The following ROBO2 variants were observed in gnomAD, a reference collection of about 807,000 sequenced individuals.
ROBO2 encodes roundabout guidance receptor 2, also known as roundabout homolog 2.
In ROBO2, 53 loss-of-function variants were observed where a neutral mutation model predicts 160.8. The observed-to-expected ratio is 0.33, with a 90% confidence interval of 0.26 to 0.41. The LOEUF is 0.41. ROBO2 is among the 10% of genes least tolerant of loss of function. The pLI, the probability that ROBO2 is intolerant of heterozygous loss-of-function variation, is 1.00. For synonymous variants in ROBO2, 664 were observed against 611.7 expected, an observed-to-expected ratio of 1.09 and a Z score of -1.26; for missense variants, 1,577 against 1,722.4, an observed-to-expected ratio of 0.92 and a Z score of 1.49.
intron 2 of ROBO2, among the ~76,000 whole-genome samples, chr3:76,084,947 C>G (rs556231343): frequency 9.1e-4 from 138 of 152,052 alleles, no homozygotes; most frequent in South Asian, 2.9e-3. Flanking sequence ...TGAATTAGTA[C>G]CCAACTACAT....
At position 77,068,690 on chromosome 3, in the gene ROBO2, G is replaced by A. The variant is rs148806251; in HGVS notation, c.61+27844G>A. 2.8e-3 allele frequency among the ~76,000 whole-genome samples: 428 copies of A among 152,152 alleles called. 3 individuals carry two copies. The highest frequency in any genetic ancestry group is 9.8e-3 in the African/African-American group (405 of 41,528). The stretch of plus-strand genomic sequence containing the variant: ...AAAGAGCATGAGGGAGGGCAGAATT[G>A]GAAGTAGAATACGTGAATAAAGTAA... On this transcript the variant is annotated intron_variant, in intron 1 of 25. Transcript: ENST00000461745.
chr3:77,281,308 C>CTTCT (rs1553884896), intron 2 of ROBO2, among the ~76,000 whole-genome samples: 47 of 149,550 alleles, frequency 3.1e-4, no homozygotes, highest in African/African-American at 1.0e-3. Flanking sequence ...ATTTTCAATC[C>CTTCT]TTCTTTCGTT....
chr3:77,289,372 G>C (rs1468837372), intron 2 of ROBO2, among the ~76,000 whole-genome samples: 4 of 151,818 alleles, frequency 2.6e-5, no homozygotes, highest in Admixed American at 1.3e-4. Context: ...GCTGAGACTA[G>C]ATCACCCCAG....
intron 5 of ROBO2, among the ~76,000 whole-genome samples, chr3:77,519,524 A>G (rs2090372457): frequency 6.6e-6 from 1 of 151,242 alleles, no homozygotes; most frequent in Admixed American, 6.6e-5. Context: ...TCTTTCCTCT[A>G]GTAGTCCACA....
intron 21 of ROBO2, among the ~76,000 whole-genome samples, chr3:77,612,225 C>G (rs1411769606): frequency 6.6e-6 from 1 of 152,084 alleles, no homozygotes; most frequent in Non-Finnish European, 1.5e-5. Context: ...AATGTTACTA[C>G]AAGAAAAAGT....
intron 2 of ROBO2, among the ~76,000 whole-genome samples, chr3:76,924,268 A>G (rs888714337): frequency 3.3e-5 from 5 of 152,118 alleles, no homozygotes; most frequent in African/African-American, 1.2e-4. Flanking sequence ...CTGCGATGGT[A>G]TTGGGAGGCT....
At chr3:76,791,045 C>T (rs2063320973) in intron 2 of ROBO2, among the ~76,000 whole-genome samples, 1 of 151,766 alleles carries the variant, frequency 6.6e-6, no homozygotes, top group African/African-American at 2.4e-5. Context: ...CTGTTGCCAT[C>T]ATCATAGTCT....
chr3:76,967,783 G>C (rs1336054389), intron 2 of ROBO2, among the ~76,000 whole-genome samples: 1 of 152,040 alleles, frequency 6.6e-6, no homozygotes, highest in Non-Finnish European at 1.5e-5. Flanking sequence ...GGCCTCAAGT[G>C]ATTCGCCTGC....
At chr3:76,396,602 G>T (rs1010236758) in intron 2 of ROBO2, among the ~76,000 whole-genome samples, 4 of 152,102 alleles carry the variant, frequency 2.6e-5, no homozygotes, top group South Asian at 2.1e-4. Flanking sequence ...ATCTCCTTAA[G>T]CTGATAAGCA....
chr3:77,607,602 T>G (rs969644758), intron 20 of ROBO2, among the ~76,000 whole-genome samples, 196 bp from the exon 22 acceptor site: 1 of 151,974 alleles, frequency 6.6e-6, no homozygotes, highest in African/African-American at 2.4e-5. Context: ...GTTAATGCAC[T>G]GGGGAAAAAA....
intron 2 of ROBO2, among the ~76,000 whole-genome samples, chr3:77,353,327 C>G (rs1174909514): frequency 6.6e-6 from 1 of 152,148 alleles, no homozygotes; most frequent in Non-Finnish European, 1.5e-5. Flanking sequence ...TGAATTATAT[C>G]ACCGTTCCTT....
intron 6 of ROBO2, among the ~76,000 whole-genome samples, chr3:77,529,673 A>G (rs1043814477): frequency 6.6e-6 from 1 of 151,880 alleles, no homozygotes; most frequent in African/African-American, 2.4e-5. Flanking sequence ...AGTTATTTCC[A>G]TTTTTTATTC....
At chr3:77,574,084 A>C (rs1279064371) in intron 13 of ROBO2, among the ~76,000 whole-genome samples, 2 of 152,018 alleles carry the variant, frequency 1.3e-5, no homozygotes, top group African/African-American at 4.8e-5. Context: ...GAGAATGGAA[A>C]TCCCTGACAA....
At chr3:77,493,100 G>T (rs545590505) in intron 4 of ROBO2, 144 bp from the exon 5 acceptor site, 7 of 749,504 alleles carry the variant, frequency 9.3e-6, no homozygotes, top group Middle Eastern at 3.0e-4. Context: ...GATTCACAAG[G>T]CCTTATTAAA....
chr3:77,618,159 G>T (rs1196501971), intron 22 of ROBO2: 1 of 263,432 alleles, frequency 3.8e-6, no homozygotes, highest in East Asian at 1.0e-4. Context: ...TGTAATAAAA[G>T]ACTCCTTTTA....
chr3:75,908,184 T>C (rs915337874), intron 1 of ROBO2, among the ~76,000 whole-genome samples: 1 of 152,176 alleles, frequency 6.6e-6, no homozygotes, highest in Non-Finnish European at 1.5e-5. Flanking sequence ...AATTCAGGTG[T>C]GAAATTGAAA....
intron 2 of ROBO2, among the ~76,000 whole-genome samples, chr3:76,560,502 C>T (rs974545581): frequency 2.0e-5 from 3 of 151,592 alleles, no homozygotes; most frequent in African/African-American, 7.3e-5. Context: ...ACAAATGTCC[C>T]CAGTGATAGC....
chr3:76,655,773 G>A (rs1188829558), intron 2 of ROBO2, among the ~76,000 whole-genome samples: 1 of 149,668 alleles, frequency 6.7e-6, no homozygotes, highest in East Asian at 2.0e-4. Flanking sequence ...AGGAAAGAAG[G>A]AAGGAAGGGA....
chr3:77,178,770 G>C (rs1459549027), intron 2 of ROBO2, among the ~76,000 whole-genome samples: 2 of 152,026 alleles, frequency 1.3e-5, no homozygotes, highest in Non-Finnish European at 2.9e-5. Flanking sequence ...TACTCCTGAA[G>C]ACATTCTTAT....
Sources: allele counts gnomAD v4.1 joint callset (sites outside exome capture counted in the v4.1 genomes callset), GRCh38; gene constraint gnomAD v4.1.1; transcripts MANE v1.5; gene names NCBI Gene and HGNC (gene_info 2026-07-23, HGNC 2026-07-21).